The following DIAPH3 variants were observed in gnomAD, a reference collection of about 807,000 sequenced individuals.
DIAPH3 encodes protein diaphanous homolog 3.
Under a neutral mutation model 144.3 loss-of-function variants are expected in DIAPH3, and 117 were observed. That is an observed-to-expected ratio of 0.81 (90% CI 0.70 to 0.95). The LOEUF is 0.95. Ranked by LOEUF, DIAPH3 falls within the 40% of genes least tolerant of loss-of-function variation. The probability of loss-of-function intolerance (pLI) is 0.00; values close to 1 mark genes in which losing one functional copy is unlikely to be tolerated. For synonymous variants in DIAPH3, 519 were observed against 488.9 expected (o/e 1.06, Z -0.81); for missense variants, 1,421 against 1,412.7 (o/e 1.01, Z -0.09).
intron 12 of DIAPH3, among the ~76,000 whole-genome samples, chr13:59,987,243 C>T (rs2051458712): frequency 6.7e-6 from 1 of 150,154 alleles, no homozygotes; most frequent in Non-Finnish European, 1.5e-5. Flanking sequence ...CCAAACACCG[C>T]ATATTCTCAC....
At chr13:60,118,530 A>T (rs1333459665) in intron 2 of DIAPH3, among the ~76,000 whole-genome samples, 1 of 152,254 alleles carries the variant, frequency 6.6e-6, no homozygotes, top group South Asian at 2.1e-4. Flanking sequence ...ATCCAAATAC[A>T]TACCTGAAAT....
chr13:59,775,070 C>G (rs758840929), intron 25 of DIAPH3, among the ~76,000 whole-genome samples: 2 of 152,170 alleles, frequency 1.3e-5, no homozygotes, highest in Non-Finnish European at 2.9e-5. Flanking sequence ...GGATTCACTT[C>G]AGAGCACTGC....
In DIAPH3 at chr13:59,983,787, C is replaced by A; in HGVS notation, c.1462G>T (p.Asp488Tyr). ...TACTCACCTACAAACTGGGTTAAAT[C>A]TAAATCTAGTCTTTTTCGATATGTG... ...DFTYRKRLDL[D>Y]LTQFVDICID... Residue 488 changes from aspartate to tyrosine, a missense_variant, in exon 13 of 28, where the codon GAT becomes TAT. By Grantham distance (160) the Asp-to-Tyr change is radical (BLOSUM62 -3). Coordinates refer to ENST00000400324, the MANE Select transcript of DIAPH3 (RefSeq NM_001042517.2). 6.2e-7 allele frequency: 1 copy of A among 1,604,322 alleles called. No homozygotes were observed. The highest frequency in any genetic ancestry group is 1.3e-5 in the African/African-American group (1 of 74,630).
chr13:59,841,711 T>G (rs1310655869), intron 22 of DIAPH3, among the ~76,000 whole-genome samples: 2 of 152,206 alleles, frequency 1.3e-5, no homozygotes, highest in Non-Finnish European at 2.9e-5. Context: ...AATTGTTATA[T>G]TAGTAGCAGT....
chr13:60,108,304 A>G (rs2058473981), intron 3 of DIAPH3, among the ~76,000 whole-genome samples: 1 of 152,170 alleles, frequency 6.6e-6, no homozygotes, highest in African/African-American at 2.4e-5. Flanking sequence ...TAATGTTTAA[A>G]CTAAGATTTA....
At chr13:59,905,393 G>A (rs1418502733) in intron 20 of DIAPH3, among the ~76,000 whole-genome samples, 1 of 147,662 alleles carries the variant, frequency 6.8e-6, no homozygotes. Flanking sequence ...ATGCCTTCTG[G>A]AAGGACAATT....
Position 59,666,466 on chromosome 13 carries a change from TATATC to T in DIAPH3, c.*113_*117del. 1.7e-6 allele frequency: 2 copies of T among 1,173,878 alleles called. No homozygotes were observed. The highest frequency in any genetic ancestry group is 2.4e-6 in the Non-Finnish European group (2 of 843,304). The allele number at this position is 1,173,878 out of a possible 1,614,324, so 72.7% of individuals were successfully genotyped here. On this transcript the variant is annotated 3_prime_UTR_variant, in exon 28 of 28. Transcript: ENST00000400324. The stretch of plus-strand genomic sequence containing the variant: ...TATATTTAGCTTTATTTTTCTAATA[TATATC>T]ATAATTTAAAACTATATAAAGTCAC...
chr13:59,676,657 A>C lies in DIAPH3; in HGVS notation c.3320-9811T>G, dbSNP rs531566902. On this transcript the variant is annotated intron_variant, in intron 27 of 27. Coordinates refer to ENST00000400324, the MANE Select transcript of DIAPH3 (RefSeq NM_001042517.2). ...TGAACATGCAAAACAATATTCACTTAGTAGTTCAAAATTCTGGGGAAAAGC... is the reference window on the plus strand; with the variant it reads ...TGAACATGCAAAACAATATTCACTTCGTAGTTCAAAATTCTGGGGAAAAGC... Among the ~76,000 whole-genome samples, 5 of 152,342 alleles carry C rather than the reference A, an allele frequency of 3.3e-5. No homozygotes were observed. The South Asian group carries it at 1.0e-3, about 32-fold the overall frequency.
At chr13:60,135,054 G>C (rs1184423099) in intron 1 of DIAPH3, among the ~76,000 whole-genome samples, 1 of 151,938 alleles carries the variant, frequency 6.6e-6, no homozygotes, top group African/African-American at 2.4e-5. Flanking sequence ...AACTAGACAG[G>C]AAAATAGGAA....
chr13:59,808,665 A>C (rs1883280839), intron 25 of DIAPH3, among the ~76,000 whole-genome samples: 1 of 152,166 alleles, frequency 6.6e-6, no homozygotes, highest in African/African-American at 2.4e-5. Context: ...TTACTGACTA[A>C]TGCAAGTTAA....
intron 27 of DIAPH3, among the ~76,000 whole-genome samples, chr13:59,680,325 A>C (rs544785038): frequency 1.3e-5 from 2 of 152,302 alleles, no homozygotes; most frequent in East Asian, 3.9e-4. Flanking sequence ...GCTTGTTATG[A>C]ACTTTAGAAT....
chr13:60,058,006 C>A (rs761555141), intron 4 of DIAPH3, among the ~76,000 whole-genome samples: 1 of 151,138 alleles, frequency 6.6e-6, no homozygotes, highest in Non-Finnish European at 1.5e-5. Context: ...TGAGTGAGAC[C>A]CCAAAAGCAA....
intron 20 of DIAPH3, among the ~76,000 whole-genome samples, chr13:59,880,822 C>A (rs1181591327): frequency 6.6e-6 from 1 of 151,656 alleles, no homozygotes; most frequent in Non-Finnish European, 1.5e-5. Flanking sequence ...TCTCCCCAGA[C>A]CCTTGCCAAA....
At chr13:60,049,378 C>T (rs777333328) in intron 4 of DIAPH3, among the ~76,000 whole-genome samples, 10 of 152,270 alleles carry the variant, frequency 6.6e-5, no homozygotes, top group South Asian at 2.1e-4. Context: ...CACTAGCTAA[C>T]GATAATTACT....
At chr13:59,994,162 T>A (rs938443236) in intron 9 of DIAPH3, among the ~76,000 whole-genome samples, 1 of 151,996 alleles carries the variant, frequency 6.6e-6, no homozygotes. Flanking sequence ...ATTGAAATAA[T>A]GAATTCAAGT....
At chr13:60,163,297 G>A (rs945692808) in intron 1 of DIAPH3, among the ~76,000 whole-genome samples, 1 of 152,148 alleles carries the variant, frequency 6.6e-6, no homozygotes, top group Non-Finnish European at 1.5e-5. Flanking sequence ...AGGGAGGAAG[G>A]GAGAACTTCG....
intron 20 of DIAPH3, among the ~76,000 whole-genome samples, chr13:59,899,491 T>C (rs1039511810): frequency 6.6e-6 from 1 of 152,158 alleles, no homozygotes; most frequent in African/African-American, 2.4e-5. Flanking sequence ...TTCTCAAGAA[T>C]GTGACTGGCA....
chr13:60,126,431 C>A (rs2058991178), intron 2 of DIAPH3, among the ~76,000 whole-genome samples: 1 of 152,156 alleles, frequency 6.6e-6, no homozygotes, highest in Non-Finnish European at 1.5e-5. Context: ...TCACAACAAT[C>A]TTATATATGC....
At chr13:59,938,686 A>AT (rs2048374029) in intron 17 of DIAPH3, among the ~76,000 whole-genome samples, 1 of 152,154 alleles carries the variant, frequency 6.6e-6, no homozygotes, top group African/African-American at 2.4e-5. Flanking sequence ...CTGCAACCCA[A>AT]ATGTTCCATA....
Sources: gnomAD v4.1 joint callset for allele counts (sites outside exome capture counted in the v4.1 genomes callset) on GRCh38, gnomAD v4.1.1 for gene constraint, MANE v1.5 for transcripts, NCBI Gene and HGNC (gene_info 2026-07-23, HGNC 2026-07-21) for gene names.